Variants in GRID2 observed in about 807,000 individuals in gnomAD.
The protein encoded by GRID2 is glutamate ionotropic receptor delta type subunit 2, also known as glutamate receptor ionotropic, delta-2.
In GRID2, 33 loss-of-function variants were observed where a neutral mutation model predicts 114.8. The observed-to-expected ratio is 0.29, with a 90% confidence interval of 0.22 to 0.38. GRID2 has a LOEUF of 0.38. GRID2 is among the 10% of genes least tolerant of loss of function. The pLI, the probability that GRID2 is intolerant of heterozygous loss-of-function variation, is 1.00. For missense variants in GRID2, 1,184 were observed against 1,257.7 expected, an observed-to-expected ratio of 0.94 and a Z score of 0.89; for synonymous variants, 505 against 449.9, an observed-to-expected ratio of 1.12 and a Z score of -1.55.
intron 1 of GRID2, among the ~76,000 whole-genome samples, chr4:92,323,708 CT>C (rs1726447385): frequency 6.6e-6 from 1 of 152,024 alleles, no homozygotes; most frequent in Non-Finnish European, 1.5e-5. Flanking sequence ...CACCTTCCTC[CT>C]TTCTTCTTCT....
At chr4:92,740,730 A>AGATAGATG (rs1736849189) in intron 2 of GRID2, among the ~76,000 whole-genome samples, 2 of 139,170 alleles carry the variant, frequency 1.4e-5, no homozygotes, top group Non-Finnish European at 3.1e-5. Context: ...ATAGATAGAT[A>AGATAGATG]GATAGATAGA....
At chr4:92,941,661 G>A (rs949860736) in intron 2 of GRID2, among the ~76,000 whole-genome samples, 1 of 151,896 alleles carries the variant, frequency 6.6e-6, no homozygotes, top group Non-Finnish European at 1.5e-5. Context: ...TTGTGATGTT[G>A]GGGTGTCAAT....
At chr4:92,461,641 C>G (rs911875148) in intron 1 of GRID2, among the ~76,000 whole-genome samples, 1 of 151,878 alleles carries the variant, frequency 6.6e-6, no homozygotes, top group Non-Finnish European at 1.5e-5. Context: ...TAAACTTACC[C>G]TAATTATACT....
At chr4:93,379,408 CT>C (rs1214517488) in intron 8 of GRID2, among the ~76,000 whole-genome samples, 2 of 151,948 alleles carry the variant, frequency 1.3e-5, no homozygotes, top group African/African-American at 2.4e-5. Flanking sequence ...GTAATCACAC[CT>C]AGCTTATGCT....
chr4:93,016,517 A>G (rs1024854820), intron 2 of GRID2, among the ~76,000 whole-genome samples: 2 of 152,138 alleles, frequency 1.3e-5, no homozygotes, highest in South Asian at 2.1e-4. Context: ...GAATCCATGT[A>G]CTTTACTCCA....
At chr4:92,362,862 G>A (rs1035932522) in intron 1 of GRID2, among the ~76,000 whole-genome samples, 5 of 151,798 alleles carry the variant, frequency 3.3e-5, no homozygotes, top group East Asian at 1.9e-4. Context: ...TTTTTACGTC[G>A]TATCACAGCC....
intron 2 of GRID2, among the ~76,000 whole-genome samples, chr4:93,074,514 A>G (rs1458365341): frequency 6.6e-6 from 1 of 152,176 alleles, no homozygotes; most frequent in Admixed American, 6.5e-5. Context: ...ACATAGAGGG[A>G]AATTTATAGG....
intron 14 of GRID2, among the ~76,000 whole-genome samples, chr4:93,700,541 A>C (rs764240617): frequency 2.6e-5 from 4 of 152,150 alleles, no homozygotes; most frequent in Admixed American, 6.6e-5. Context: ...GTATATTAAC[A>C]ATGTCTTTAC....
At chr4:92,417,441 G>A (rs965859596) in intron 1 of GRID2, among the ~76,000 whole-genome samples, 2 of 152,002 alleles carry the variant, frequency 1.3e-5, no homozygotes, top group Non-Finnish European at 2.9e-5. Flanking sequence ...GATGTGATTA[G>A]CTCATAAGGC....
At chr4:92,467,642 G>A (rs1721821573) in intron 1 of GRID2, among the ~76,000 whole-genome samples, 1 of 151,920 alleles carries the variant, frequency 6.6e-6, no homozygotes, top group Non-Finnish European at 1.5e-5. Flanking sequence ...GGGACAGGGA[G>A]ATATCCAACC....
chr4:92,730,952 A>G (rs1057092521), intron 2 of GRID2, among the ~76,000 whole-genome samples: 1 of 151,990 alleles, frequency 6.6e-6, no homozygotes, highest in African/African-American at 2.4e-5. Context: ...ACAGCATTTA[A>G]ATCATTGAAT....
At position 93,560,906 on chromosome 4, in the gene GRID2, A is replaced by G. The variant is rs1435785668; in HGVS notation, c.2193+45495A>G. On this transcript the variant is annotated intron_variant, in intron 13 of 15. Transcript: ENST00000282020. ...TTTTGTGTTTGTATTTTAGCAATAAATATTTTTATTTAATATTTATTTGAT... is the reference window on the plus strand; with the variant it reads ...TTTTGTGTTTGTATTTTAGCAATAAGTATTTTTATTTAATATTTATTTGAT... Among the ~76,000 whole-genome samples, 3 of 142,342 alleles carry G rather than the reference A, an allele frequency of 2.1e-5. No individual in the cohort carries two copies. The East Asian group carries it at 6.2e-4, about 29-fold the overall frequency. 93.4% of individuals were successfully genotyped at this position (142,342 alleles called of 152,430 possible).
intron 2 of GRID2, among the ~76,000 whole-genome samples, chr4:92,651,822 A>G (rs1172702479): frequency 6.6e-6 from 1 of 152,082 alleles, no homozygotes; most frequent in Non-Finnish European, 1.5e-5. Flanking sequence ...TATGTCCCAG[A>G]GTGGGGTTGT....
At chr4:92,552,661 G>T (rs750971418) in intron 1 of GRID2, among the ~76,000 whole-genome samples, 1 of 152,136 alleles carries the variant, frequency 6.6e-6, no homozygotes, top group Admixed American at 6.6e-5. Flanking sequence ...TGACTCTTAA[G>T]AATCTAAAGG....
chr4:92,472,938 G>A (rs564620388), intron 1 of GRID2, among the ~76,000 whole-genome samples: 1 of 151,876 alleles, frequency 6.6e-6, no homozygotes, highest in East Asian at 1.9e-4. Context: ...CATTTTTTAT[G>A]GGCTTTTATT....
chr4:92,568,517 T>C (rs773133751), intron 1 of GRID2, among the ~76,000 whole-genome samples: 1 of 152,070 alleles, frequency 6.6e-6, no homozygotes, highest in Non-Finnish European at 1.5e-5. Flanking sequence ...GGAACTCTAC[T>C]AGTCTGTCAT....
At chr4:92,814,240 A>G (rs541905387) in intron 2 of GRID2, among the ~76,000 whole-genome samples, 1 of 152,284 alleles carries the variant, frequency 6.6e-6, no homozygotes, top group South Asian at 2.1e-4. Flanking sequence ...GCCTACCAAC[A>G]GATAGAACCC....
chr4:92,756,999 G>T (rs561203379), intron 2 of GRID2, among the ~76,000 whole-genome samples: 1 of 152,004 alleles, frequency 6.6e-6, no homozygotes, highest in East Asian at 1.9e-4. Context: ...CTGTGATTTT[G>T]AATTCTTACC....
At chr4:93,528,314 G>A (rs1007518599) in intron 13 of GRID2, among the ~76,000 whole-genome samples, 1 of 151,770 alleles carries the variant, frequency 6.6e-6, no homozygotes, top group African/African-American at 2.4e-5. Context: ...ACTGCTAGAC[G>A]AAATGGCAAT....
Sources: allele counts gnomAD v4.1 joint callset (sites outside exome capture counted in the v4.1 genomes callset), GRCh38; gene constraint gnomAD v4.1.1; transcripts MANE v1.5; gene names NCBI Gene and HGNC (gene_info 2026-07-23, HGNC 2026-07-21).